The following CDIN1 variants were observed in gnomAD, a reference collection of about 807,000 sequenced individuals.
CDIN1 encodes CDAN1-interacting nuclease 1.
CDIN1 carries 33 observed loss-of-function variants against 45.3 expected under a neutral mutation model. The observed-to-expected ratio is 0.73, with a 90% CI of 0.55 to 0.97. The LOEUF is 0.97. Among genes scored for constraint, CDIN1 ranks in the 50% least tolerant of loss-of-function variants. The pLI is 0.00. For missense variants in CDIN1, 303 were observed against 339.4 expected (o/e 0.89, Z 0.84); for synonymous variants, 118 against 124.4 (o/e 0.95, Z 0.34).
intron 5 of CDIN1, among the ~76,000 whole-genome samples, chr15:36,689,340 T>G (rs572150790): frequency 1.3e-5 from 2 of 152,268 alleles, no homozygotes; most frequent in African/African-American, 4.8e-5. Flanking sequence ...TAGCCAGGAG[T>G]TTGCATATAG....
intron 3 of CDIN1, among the ~76,000 whole-genome samples, 199 bp downstream of exon 3, chr15:36,645,486 G>C (rs1821548599): frequency 7.4e-6 from 1 of 134,940 alleles, no homozygotes; most frequent in South Asian, 2.6e-4. Context: ...TGGTAAGGCT[G>C]TCTTGACTTG....
At chr15:36,635,505 C>G (rs2039861185) in intron 1 of CDIN1, among the ~76,000 whole-genome samples, 1 of 152,016 alleles carries the variant, frequency 6.6e-6, no homozygotes, top group Non-Finnish European at 1.5e-5. Context: ...CTTGAGTATA[C>G]ACAAATTTGG....
At chr15:36,758,672 A>T (rs1364051311) in intron 10 of CDIN1, among the ~76,000 whole-genome samples, 1 of 152,154 alleles carries the variant, frequency 6.6e-6, no homozygotes, top group Admixed American at 6.6e-5. Flanking sequence ...TTCTCGGAAG[A>T]TTTCTGAGCA....
chr15:36,769,805 T>A (rs1355331052), intron 10 of CDIN1, among the ~76,000 whole-genome samples: 3 of 152,136 alleles, frequency 2.0e-5, no homozygotes, highest in Non-Finnish European at 4.4e-5. Flanking sequence ...CTTAGCTGCC[T>A]GCCAAAAACG....
chr15:36,594,881 C>T, intron 1 of CDIN1: 2 of 985,390 alleles, frequency 2.0e-6, no homozygotes, highest in Non-Finnish European at 1.2e-6. Context: ...TTTAATACCA[C>T]CCCATTTCCT....
intron 10 of CDIN1, among the ~76,000 whole-genome samples, chr15:36,725,133 C>T (rs183016494): frequency 5.2e-4 from 79 of 152,254 alleles, no homozygotes; most frequent in African/African-American, 1.9e-3. Context: ...AGGGTCTGAC[C>T]TTCCTGCAAC....
chr15:36,777,498 T>A (rs1327024992), intron 10 of CDIN1, among the ~76,000 whole-genome samples: 1 of 152,152 alleles, frequency 6.6e-6, no homozygotes, highest in Non-Finnish European at 1.5e-5. Flanking sequence ...ACATTCTAGC[T>A]GTCAAGGCCA....
chr15:36,609,409 A>G (rs1316383485), intron 1 of CDIN1, among the ~76,000 whole-genome samples: 1 of 152,216 alleles, frequency 6.6e-6, no homozygotes, highest in African/African-American at 2.4e-5. Context: ...ACCAGTAAAA[A>G]TGTTACTTAA....
Position 36,645,312 on chromosome 15 carries a change from G to C in CDIN1, c.212+25G>C. ...GGTATGACCTTCCTGCCCCACTAGA[G>C]GGTATCATAGTACCTATTAATTGTA... On this transcript the variant is annotated intron_variant, in intron 3 of 10. Coordinates refer to ENST00000566621, the MANE Select transcript of CDIN1 (RefSeq NM_001321759.2). The C allele has an allele frequency of 2.0e-6, 3 of 1,497,142 alleles. No homozygotes were observed. In the South Asian group the frequency reaches 3.7e-5, roughly 18 times the overall value. 92.7% of individuals were successfully genotyped at this position (1,497,142 alleles called of 1,614,324 possible).
At chr15:36,617,090 T>TC in intron 1 of CDIN1, 1 of 799,016 alleles carries the variant, frequency 1.3e-6, no homozygotes, top group Admixed American at 1.7e-5. Flanking sequence ...GAGGACGACA[T>TC]GTTGTTTTTC....
chr15:36,587,799 G>A (rs1328939822), intron 1 of CDIN1, among the ~76,000 whole-genome samples: 1 of 152,124 alleles, frequency 6.6e-6, no homozygotes, highest in East Asian at 1.9e-4. Context: ...TGTAAAAGGA[G>A]AGGTGAAGTC....
At position 36,580,292 on chromosome 15, in the gene CDIN1, A is replaced by T. The variant is rs115539625; in HGVS notation, c.101+331A>T. 3.0e-3 allele frequency among the ~76,000 whole-genome samples: 459 copies of T among 152,322 alleles called. 3 individuals are homozygous for T. The highest frequency in any genetic ancestry group is 0.01 in the African/African-American group (434 of 41,576). On this transcript the variant is annotated intron_variant, in intron 1 of 10. Coordinates refer to ENST00000566621, the MANE Select transcript of CDIN1 (RefSeq NM_001321759.2). ...AGAGGTTAATTGACAGATAGTAGGA[A>T]TGAATGATGGGTGGGAATATGAATT...
At chr15:36,665,398 C>T (rs951880932) in intron 5 of CDIN1, among the ~76,000 whole-genome samples, 2 of 152,132 alleles carry the variant, frequency 1.3e-5, no homozygotes, top group African/African-American at 2.4e-5. Flanking sequence ...AAATAATCTA[C>T]CTTGGCTATT....
At chr15:36,686,158 G>A (rs370559424) in intron 5 of CDIN1, among the ~76,000 whole-genome samples, 1 of 151,990 alleles carries the variant, frequency 6.6e-6, no homozygotes, top group Non-Finnish European at 1.5e-5. Context: ...TTGGAACCAA[G>A]CCAAATGTCC....
intron 5 of CDIN1, among the ~76,000 whole-genome samples, chr15:36,669,257 T>C (rs150170425): frequency 0.015 from 2,300 of 152,238 alleles, 54 homozygotes; most frequent in African/African-American, 0.053. Context: ...ATTTACTTTT[T>C]TCCTGCTGTA....
At chr15:36,707,178 T>A (rs2042898011) in intron 8 of CDIN1, 1 of 152,150 alleles carries the variant, frequency 6.6e-6, no homozygotes, top group Non-Finnish European at 1.5e-5. Flanking sequence ...GCATAACATC[T>A]TTACTATAAA....
At chr15:36,625,556 G>A (rs2039387757) in intron 1 of CDIN1, among the ~76,000 whole-genome samples, 1 of 152,198 alleles carries the variant, frequency 6.6e-6, no homozygotes, top group African/African-American at 2.4e-5. Context: ...GAAAAAATTC[G>A]ACACCTTGGA....
intron 10 of CDIN1, among the ~76,000 whole-genome samples, chr15:36,762,560 C>A (rs8041737): frequency 6.6e-6 from 1 of 151,736 alleles, no homozygotes. Context: ...TAGTTACATA[C>A]GTATACATGT....
intron 10 of CDIN1, among the ~76,000 whole-genome samples, chr15:36,762,173 T>TGTG (rs3045943): frequency 0.68 from 102,707 of 151,732 alleles, 34,986 homozygotes; most frequent in East Asian, 0.93. Context: ...AGGCTGCCCT[T>TGTG]GTGAGCACTC....
Sources: allele counts gnomAD v4.1 joint callset (sites outside exome capture counted in the v4.1 genomes callset), GRCh38; gene constraint gnomAD v4.1.1; transcripts MANE v1.5; gene names NCBI Gene and HGNC (gene_info 2026-07-23, HGNC 2026-07-21).